Variants in KIAA1958 observed in about 807,000 individuals in gnomAD.
The protein encoded by KIAA1958 is KIAA1958, also known as uncharacterized protein KIAA1958.
Under a neutral mutation model 47.2 loss-of-function variants are expected in KIAA1958, and 14 were observed. The ratio of observed to expected loss-of-function variants is 0.30; its 90% CI spans 0.20 to 0.46. KIAA1958 has a LOEUF of 0.46. Ranked by LOEUF, KIAA1958 falls within the 20% of genes least tolerant of loss-of-function variation. The pLI is 1.00. For missense variants in KIAA1958, 803 were observed against 909.2 expected (o/e 0.88, Z 1.50); for synonymous variants, 354 against 353.3 (o/e 1.00, Z -0.02).
intron 1 of KIAA1958, among the ~76,000 whole-genome samples, chr9:112,572,702 C>G (rs1398543270): frequency 6.6e-6 from 1 of 152,176 alleles, no homozygotes; most frequent in African/African-American, 2.4e-5. Flanking sequence ...GAATCAGATT[C>G]TCACCAGTAG....
chr9:112,636,698 T>C (rs1295933588), intron 2 of KIAA1958, among the ~76,000 whole-genome samples: 2 of 152,196 alleles, frequency 1.3e-5, no homozygotes, highest in African/African-American at 4.8e-5. Flanking sequence ...TTTCATTTGC[T>C]TATTGTTCCT....
At chr9:112,532,295 TTTAAATCTTTTA>T (rs759769951) in intron 1 of KIAA1958, among the ~76,000 whole-genome samples, 69 of 152,342 alleles carry the variant, frequency 4.5e-4, no homozygotes, top group Middle Eastern at 3.4e-3. Context: ...GGAGATGCAT[TTTAAATCTTTTA>T]TTAAATCTTT....
chr9:112,516,679 C>G (rs1293078142), intron 1 of KIAA1958, among the ~76,000 whole-genome samples: 1 of 152,222 alleles, frequency 6.6e-6, no homozygotes, highest in Admixed American at 6.5e-5. Context: ...TTAGGACTTA[C>G]ATTTCCTGGC....
rs549739831 is a variant in KIAA1958 at position 112,512,901 on chromosome 9, G to A, written c.-25+25783G>A. On this transcript the variant is annotated intron_variant, in intron 1 of 3. Transcript: ENST00000337530. Reference sequence around the variant, plus strand: ...CATCCAGGCTGGATTGCAGTGGCACGATCTTGGCTCACTGCAACTTCTGCC... The same window carrying A: ...CATCCAGGCTGGATTGCAGTGGCACAATCTTGGCTCACTGCAACTTCTGCC... Among the ~76,000 whole-genome samples the A allele has an allele frequency of 2.6e-5, 4 of 152,166 alleles. No homozygotes were observed. The South Asian group carries it at 6.2e-4, about 24-fold the overall frequency.
In KIAA1958 at chr9:112,574,953, A is replaced by C. The variant is rs200423658; in HGVS notation, c.873A>C (p.Ser291=). ...VQKTARVSLA[S]PNRGPPGTHG... The stretch of plus-strand genomic sequence containing the variant: ...AGACTGCTAGGGTATCTCTGGCTTC[A>C]CCAAACAGAGGACCCCCTGGTACAC... The change falls in exon 2 of 4, where the codon TCA becomes TCC. Residue 291 remains serine, a synonymous_variant. Coordinates refer to ENST00000337530, the MANE Select transcript of KIAA1958 (RefSeq NM_133465.4). 5 of 1,614,084 alleles carry C rather than the reference A, an allele frequency of 3.1e-6. No homozygotes were observed. The highest frequency in any genetic ancestry group is 4.2e-6 in the Non-Finnish European group (5 of 1,179,998).
At chr9:112,614,606 C>T (rs540302554) in intron 2 of KIAA1958, among the ~76,000 whole-genome samples, 1 of 152,290 alleles carries the variant, frequency 6.6e-6, no homozygotes, top group South Asian at 2.1e-4. Flanking sequence ...CATGTAAAAT[C>T]AATGATGGTG....
At chr9:112,555,817 G>A (rs1835229496) in intron 1 of KIAA1958, among the ~76,000 whole-genome samples, 1 of 152,188 alleles carries the variant, frequency 6.6e-6, no homozygotes, top group African/African-American at 2.4e-5. Flanking sequence ...GCTCACGCCT[G>A]TAATCCTAGC....
At chr9:112,615,248 G>T (rs1329013334) in intron 2 of KIAA1958, among the ~76,000 whole-genome samples, 2 of 151,562 alleles carry the variant, frequency 1.3e-5, no homozygotes, top group Admixed American at 6.6e-5. Flanking sequence ...TGGTGAAACC[G>T]CATCTCTACA....
chr9:112,521,092 A>G (rs894505026), intron 1 of KIAA1958, among the ~76,000 whole-genome samples: 9 of 152,152 alleles, frequency 5.9e-5, no homozygotes, highest in Non-Finnish European at 8.8e-5. Flanking sequence ...CAATTAAAAA[A>G]ATTTTCTAAT....
At chr9:112,562,456 A>C (rs1371754372) in intron 1 of KIAA1958, among the ~76,000 whole-genome samples, 1 of 152,134 alleles carries the variant, frequency 6.6e-6, no homozygotes, top group Non-Finnish European at 1.5e-5. Context: ...CATGAGTTGT[A>C]TCTCACACAC....
intron 1 of KIAA1958, among the ~76,000 whole-genome samples, chr9:112,495,722 G>C (rs1029024646): frequency 9.2e-5 from 14 of 152,182 alleles, no homozygotes; most frequent in Admixed American, 2.6e-4. Context: ...AATGCTCATA[G>C]CACATTTGTC....
chr9:112,629,235 T>G (rs1029020657), intron 2 of KIAA1958, among the ~76,000 whole-genome samples: 1 of 152,152 alleles, frequency 6.6e-6, no homozygotes, highest in Admixed American at 6.5e-5. Flanking sequence ...TAGAGAAAAT[T>G]GTTTCAACAG....
chr9:112,567,205 T>C (rs1273518109), intron 1 of KIAA1958, among the ~76,000 whole-genome samples: 1 of 151,920 alleles, frequency 6.6e-6, no homozygotes, highest in African/African-American at 2.4e-5. Flanking sequence ...ACTCCCCAGC[T>C]CCCTAAGACA....
intron 2 of KIAA1958, among the ~76,000 whole-genome samples, chr9:112,612,665 G>C (rs915202680): frequency 6.6e-6 from 1 of 152,318 alleles, no homozygotes; most frequent in East Asian, 1.9e-4. Flanking sequence ...CTGGGAAGGT[G>C]TGATTGAAGC....
chr9:112,517,740 A>G (rs1171804258), intron 1 of KIAA1958, among the ~76,000 whole-genome samples: 2 of 152,342 alleles, frequency 1.3e-5, no homozygotes, highest in Middle Eastern at 3.4e-3. Flanking sequence ...ACTCTGTACT[A>G]AAAAAGCAAG....
chr9:112,559,101 A>G (rs1251653815), intron 1 of KIAA1958, among the ~76,000 whole-genome samples: 1 of 152,216 alleles, frequency 6.6e-6, no homozygotes, highest in Non-Finnish European at 1.5e-5. Context: ...GCGACCAGGG[A>G]TGAGTTCTTG....
At chr9:112,544,175 T>C (rs186771389) in intron 1 of KIAA1958, among the ~76,000 whole-genome samples, 1,904 of 152,296 alleles carry the variant, frequency 0.013, 38 homozygotes, top group African/African-American at 0.043. Context: ...TCTGTAGCCT[T>C]CTTTACTGTA....
chr9:112,592,614 T>C (rs1835943495), intron 2 of KIAA1958, among the ~76,000 whole-genome samples: 2 of 152,242 alleles, frequency 1.3e-5, no homozygotes, highest in African/African-American at 4.8e-5. Context: ...TAGCTGCTGC[T>C]ACCATAAGTT....
chr9:112,574,051 C>T lies in KIAA1958; in HGVS notation c.-24-6C>T, dbSNP rs891767956. On this transcript the variant is annotated splice_polypyrimidine_tract_variant and splice_region_variant and intron_variant, in intron 1 of 3. Transcript: ENST00000337530. ...ATGGCTTCTTCTTTTGATTATTTCC[C>T]TTTAGGAGTGACACTGCTGATCCTG... The T allele has an allele frequency of 3.5e-6, 5 of 1,414,326 alleles. No homozygotes were observed. The African/African-American group carries it at 4.3e-5, about 12-fold the overall frequency. The allele number at this position is 1,414,326 out of a possible 1,614,324, so 87.6% of individuals were successfully genotyped here. A position where few individuals can be genotyped will look rare whatever the true frequency, so the allele number is the denominator to read the frequency against.
Sources: gnomAD v4.1 joint callset for allele counts (sites outside exome capture counted in the v4.1 genomes callset) on GRCh38, gnomAD v4.1.1 for gene constraint, MANE v1.5 for transcripts, NCBI Gene and HGNC (gene_info 2026-07-23, HGNC 2026-07-21) for gene names.